TRAF3IP1: variants seen among roughly 807,000 people sequenced by gnomAD.
The protein encoded by TRAF3IP1 is intraflagellar transport 54.
In TRAF3IP1, 53 loss-of-function variants were observed where a neutral mutation model predicts 89.9. That is an observed-to-expected ratio of 0.59 (90% CI 0.47 to 0.74). The LOEUF (loss-of-function observed/expected upper bound fraction) is 0.74. Among genes scored for constraint, TRAF3IP1 ranks in the 30% least tolerant of loss-of-function variants. TRAF3IP1 has a pLI of 0.00. For synonymous variants in TRAF3IP1, 311 were observed against 322.1 expected (o/e 0.97, Z 0.37); for missense variants, 806 against 866.1 (o/e 0.93, Z 0.87).
At chr2:238,335,441 G>A (rs1012974910) in intron 7 of TRAF3IP1, among the ~76,000 whole-genome samples, 14 of 151,944 alleles carry the variant, frequency 9.2e-5, no homozygotes, top group Non-Finnish European at 1.9e-4. Flanking sequence ...TTTGTGTGTG[G>A]TGTTTTTTAC....
chr2:238,355,543 G>A (rs986642176), intron 14 of TRAF3IP1, among the ~76,000 whole-genome samples: 4 of 152,242 alleles, frequency 2.6e-5, no homozygotes, highest in Non-Finnish European at 5.9e-5. Context: ...TCGGGCTGAT[G>A]TATGCTTGGG....
chr2:238,393,832 T>C (rs184533558), intron 15 of TRAF3IP1, among the ~76,000 whole-genome samples: 8 of 152,336 alleles, frequency 5.3e-5, no homozygotes, highest in Admixed American at 4.6e-4. Context: ...GATCTACTTT[T>C]GGATTCTGTG....
chr2:238,345,300 C>T lies in TRAF3IP1; in HGVS notation c.1261+702C>T, dbSNP rs1698840395. On this transcript the variant is annotated intron_variant, in intron 9 of 16. Coordinates refer to ENST00000373327, the MANE Select transcript of TRAF3IP1 (RefSeq NM_015650.4). The surrounding 1 kb of genome is among the most constrained non-coding windows in gnomAD (Gnocchi z 4.7). Reference sequence around the variant, plus strand: ...TGAAGTCAGGCTGGCCTCCTGCCTTCCTGGTGCAGATGAGGCTCGAAGATC... The same window carrying T: ...TGAAGTCAGGCTGGCCTCCTGCCTTTCTGGTGCAGATGAGGCTCGAAGATC... 6.6e-6 allele frequency among the ~76,000 whole-genome samples: 1 copy of T among 152,230 alleles called. No individual in the cohort carries two copies.
Position 238,333,986 on chromosome 2 carries a change from G to A in TRAF3IP1, c.1014G>A (p.Lys338=), listed in dbSNP as rs1698256625. 6.2e-7 allele frequency: 1 copy of A among 1,609,962 alleles called. No individual in the cohort carries two copies. ...CTGAGATTTCCACTAGAGCTTCCAA[G>A]TCATTGACAACAAAAACATCAAAAC... ...TETEISTRAS[K]SLTTKTSKRR... Residue 338 remains lysine (K), a synonymous_variant, in exon 7 of 17, where the codon AAG becomes AAA. Coordinates refer to ENST00000373327, the MANE Select transcript of TRAF3IP1 (RefSeq NM_015650.4).
At chr2:238,370,767 G>A (rs543732497) in intron 15 of TRAF3IP1, among the ~76,000 whole-genome samples, 1 of 152,338 alleles carries the variant, frequency 6.6e-6, no homozygotes, top group Admixed American at 6.5e-5. Flanking sequence ...ATCAACTGTT[G>A]AAGAGATGAA....
intron 8 of TRAF3IP1, among the ~76,000 whole-genome samples, chr2:238,344,225 G>T (rs545665823): frequency 1.3e-5 from 2 of 152,108 alleles, no homozygotes; most frequent in Non-Finnish European, 2.9e-5. Context: ...GAAATGGGGG[G>T]CGGGGGCAGT....
At chr2:238,383,985 G>A (rs193154233) in intron 15 of TRAF3IP1, among the ~76,000 whole-genome samples, 269 of 152,172 alleles carry the variant, frequency 1.8e-3, no homozygotes, top group Admixed American at 2.6e-3. Context: ...ATTTACTGCC[G>A]TCTTTGGGGT....
At chr2:238,320,852 C>A in intron 1 of TRAF3IP1, 67 bp downstream of exon 1, 1 of 1,233,720 alleles carries the variant, frequency 8.1e-7, no homozygotes, top group South Asian at 2.7e-5. Context: ...AGGTCAGGGC[C>A]CGGGCCGGGT....
Position 238,329,033 on chromosome 2 carries a change from G to T in TRAF3IP1, c.606G>T (p.Glu202Asp), listed in dbSNP as rs1310505980. 7 of 1,551,820 alleles carry T rather than the reference G, an allele frequency of 4.5e-6. No homozygotes were observed. Among genetic ancestry groups the T allele is most frequent in the Non-Finnish European group, 6.1e-6 (7 of 1,147,086 alleles). The change falls in exon 5 of 17, where the codon GAG (glutamate) becomes GAT (aspartate). Residue 202 changes from glutamate (E) to aspartate (D), a missense_variant. Physicochemically the swap from Glu to Asp is conservative, Grantham distance 45. Coordinates refer to ENST00000373327, the MANE Select transcript of TRAF3IP1 (RefSeq NM_015650.4). ...CAAGAGAAAAGGACAAGGACAAGGA[G>T]AAGGCCAAGGAGAATGGCGGAAACA... is the stretch of plus-strand genomic sequence containing the variant. ...RKPREKDKDK[E>D]KAKENGGNRH... is the part of the protein sequence containing the mutation.
rs530994519 is a variant in TRAF3IP1 at position 238,371,559 on chromosome 2, C to A, written c.1689+15479C>A. The stretch of plus-strand genomic sequence containing the variant: ...TGCAAGAGCTCAAAAAAAGATTGTT[C>A]TTATATTCTTCCAAACCTAAGCCTA... On this transcript the variant is annotated intron_variant, in intron 15 of 16. Coordinates refer to ENST00000373327, the MANE Select transcript of TRAF3IP1 (RefSeq NM_015650.4). Among the ~76,000 whole-genome samples the A allele has an allele frequency of 2.6e-5, 4 of 152,300 alleles. No homozygotes were observed. In the South Asian group the frequency reaches 8.3e-4, roughly 32 times the overall value.
intron 8 of TRAF3IP1, among the ~76,000 whole-genome samples, chr2:238,340,059 C>CG (rs58192844): frequency 0.041 from 399 of 9,652 alleles, 3 homozygotes; most frequent in African/African-American, 0.066. Flanking sequence ...GGTGGCGGGG[C>CG]GGGGGGGTTG....
chr2:238,327,467 C>A (rs1343705304), intron 3 of TRAF3IP1, among the ~76,000 whole-genome samples: 1 of 152,222 alleles, frequency 6.6e-6, no homozygotes, highest in African/African-American at 2.4e-5. Context: ...AGTGGGACTC[C>A]TGACTGAGGT....
intron 15 of TRAF3IP1, among the ~76,000 whole-genome samples, chr2:238,396,562 A>G (rs1407649029): frequency 1.3e-5 from 2 of 152,012 alleles, no homozygotes; most frequent in Admixed American, 6.6e-5. Flanking sequence ...AAAAGGAAAG[A>G]AGGAGAAAGA....
At chr2:238,334,090 T>TC (rs771179820) in intron 7 of TRAF3IP1, 55 bp downstream of exon 7, 3 of 1,417,690 alleles carry the variant, frequency 2.1e-6, no homozygotes, top group South Asian at 2.6e-5. Context: ...TTTTTTTTTT[T>TC]TTGTCTTAAT....
intron 7 of TRAF3IP1, among the ~76,000 whole-genome samples, chr2:238,334,552 C>T (rs1443778654): frequency 6.6e-6 from 1 of 152,198 alleles, no homozygotes; most frequent in Non-Finnish European, 1.5e-5. Context: ...CAGGCAAATG[C>T]AGGGAAGCCC....
intron 9 of TRAF3IP1, 97 bp downstream of exon 9, chr2:238,344,695 C>T (rs758294152): frequency 6.8e-6 from 7 of 1,021,960 alleles, no homozygotes; most frequent in East Asian, 5.0e-5. Flanking sequence ...CCGAGGTTTT[C>T]CTCTTGGGTC....
At position 238,381,149 on chromosome 2, in the gene TRAF3IP1, T is replaced by A. The variant is rs376875165; in HGVS notation, c.1690-16310T>A. ...TAATTATTTATTTATTTATTTTTTT[T>A]TTTTTCAGAATTCTGTTTCCATGGA... On this transcript the variant is annotated intron_variant, in intron 15 of 16. Transcript: ENST00000373327. Among the ~76,000 whole-genome samples the A allele has an allele frequency of 5.9e-3, 893 of 151,224 alleles. 12 individuals carry two copies. The highest frequency in any genetic ancestry group is 0.03 in the South Asian group (145 of 4,800).
intron 15 of TRAF3IP1, among the ~76,000 whole-genome samples, chr2:238,391,693 A>G (rs764758452): frequency 4.6e-5 from 7 of 152,202 alleles, no homozygotes; most frequent in Non-Finnish European, 8.8e-5. Context: ...CAATAGAAAT[A>G]TGAGGAGTTT....
chr2:238,397,353 C>T (rs1404947655), intron 15 of TRAF3IP1, 106 bp from the exon 16 acceptor site: 20 of 926,726 alleles, frequency 2.2e-5, no homozygotes, highest in Non-Finnish European at 3.1e-5. Context: ...CTGTCTCTGC[C>T]TGCGCCTTTC....
Sources: allele counts gnomAD v4.1 joint callset (sites outside exome capture counted in the v4.1 genomes callset), GRCh38; gene constraint gnomAD v4.1.1; non-coding constraint Gnocchi (gnomAD v3.1); transcripts MANE v1.5; gene names NCBI Gene and HGNC (gene_info 2026-07-23, HGNC 2026-07-21).